GRM5: variants seen among roughly 807,000 people sequenced by gnomAD.
GRM5 encodes glutamate metabotropic receptor 5.
GRM5 carries 19 observed loss-of-function variants against 83.1 expected under a neutral mutation model. The ratio of observed to expected loss-of-function variants is 0.23; its 90% CI spans 0.16 to 0.34. GRM5 has a LOEUF of 0.34. Ranked by LOEUF, GRM5 falls within the 10% of genes least tolerant of loss-of-function variation. GRM5 has a pLI of 1.00. For missense variants in GRM5, 1,160 were observed against 1,588.3 expected, an observed-to-expected ratio of 0.73 and a Z score of 4.58; for synonymous variants, 675 against 633.6, an observed-to-expected ratio of 1.07 and a Z score of -0.98.
chr11:88,602,157 T>TA (rs1431424075), intron 5 of GRM5, among the ~76,000 whole-genome samples: 2 of 152,300 alleles, frequency 1.3e-5, no homozygotes, highest in Admixed American at 1.3e-4. Context: ...TGACTGGAAC[T>TA]AAATGAGGCT....
At chr11:89,018,509 A>G (rs1940910957) in intron 2 of GRM5, among the ~76,000 whole-genome samples, 1 of 152,178 alleles carries the variant, frequency 6.6e-6, no homozygotes, top group African/African-American at 2.4e-5. Context: ...GATTTATTCA[A>G]TATTTTTAAA....
intron 4 of GRM5, among the ~76,000 whole-genome samples, chr11:88,634,443 A>T (rs1291602013): frequency 6.6e-6 from 1 of 152,050 alleles, no homozygotes; most frequent in Non-Finnish European, 1.5e-5. Flanking sequence ...TTATATTCTT[A>T]TTCCATAATC....
chr11:88,740,273 T>A (rs1348238091), intron 3 of GRM5, among the ~76,000 whole-genome samples: 3 of 152,120 alleles, frequency 2.0e-5, no homozygotes, highest in Admixed American at 6.6e-5. Context: ...TTTTCTATAC[T>A]CACTAATTCA....
chr11:88,971,557 T>A (rs2135004930), intron 2 of GRM5, among the ~76,000 whole-genome samples: 1 of 152,258 alleles, frequency 6.6e-6, no homozygotes, highest in East Asian at 1.9e-4. Context: ...CCTGTGTTAG[T>A]CCACTTAGGA....
intron 2 of GRM5, among the ~76,000 whole-genome samples, chr11:88,972,155 G>A (rs567339619): frequency 6.6e-5 from 10 of 152,112 alleles, no homozygotes; most frequent in East Asian, 1.9e-4. Flanking sequence ...TGACATCTCC[G>A]ACCAGAAACA....
intron 2 of GRM5, among the ~76,000 whole-genome samples, chr11:88,850,983 GC>G (rs1014170223): frequency 1.3e-5 from 2 of 152,006 alleles, no homozygotes; most frequent in Non-Finnish European, 2.9e-5. Context: ...GCTATTATGG[GC>G]TCCATTCAAT....
chr11:88,692,403 T>G (rs1940800906), intron 3 of GRM5, among the ~76,000 whole-genome samples: 1 of 152,174 alleles, frequency 6.6e-6, no homozygotes, highest in Non-Finnish European at 1.5e-5. Context: ...AGTAAATGAA[T>G]GAACTAGGTT....
intron 2 of GRM5, among the ~76,000 whole-genome samples, chr11:88,859,092 ACT>A (rs879459807): frequency 3.9e-5 from 6 of 152,092 alleles, no homozygotes; most frequent in East Asian, 3.9e-4. Context: ...TTTTTAAAAC[ACT>A]CTGTTGAAAA....
intron 8 of GRM5, among the ~76,000 whole-genome samples, chr11:88,531,939 C>G (rs1378404112): frequency 2.0e-5 from 3 of 152,040 alleles, no homozygotes; most frequent in African/African-American, 7.2e-5. Flanking sequence ...CATTCCTAAG[C>G]TAGCTGTCAT....
intron 4 of GRM5, among the ~76,000 whole-genome samples, chr11:88,648,725 C>T (rs1939538405): frequency 1.3e-5 from 2 of 151,586 alleles, no homozygotes; most frequent in South Asian, 2.1e-4. Flanking sequence ...AAGAAAAGCT[C>T]ACTTGAGGAA....
chr11:88,652,211 C>A (rs1470471494), intron 4 of GRM5, among the ~76,000 whole-genome samples: 2 of 151,994 alleles, frequency 1.3e-5, no homozygotes, highest in Non-Finnish European at 2.9e-5. Flanking sequence ...AACAATGTTT[C>A]ATGTTCAATT....
In GRM5 at chr11:88,919,243, TATA is replaced by T. The variant is rs1945647508; in HGVS notation, c.662-69091_662-69089del. ...TCGAAGAACAGCAGGAGTAGCTATATATATATATATATATCGGATAAAATAGAT... is the reference window on the plus strand; with the variant it reads ...TCGAAGAACAGCAGGAGTAGCTATATTATATATATATCGGATAAAATAGAT... On this transcript the variant is annotated intron_variant, in intron 2 of 9. Coordinates refer to ENST00000305447, the MANE Select transcript of GRM5 (RefSeq NM_001143831.3). Among the ~76,000 whole-genome samples the T allele has an allele frequency of 2.7e-5, 2 of 73,138 alleles. 1 individual carries two copies. The highest frequency in any genetic ancestry group is 2.7e-4 in the Admixed American group (2 of 7,434). 48.0% of individuals were successfully genotyped at this position (73,138 alleles called of 152,430 possible).
chr11:88,772,999 G>A lies in GRM5; in HGVS notation c.911+76907C>T, dbSNP rs1412749090. Among the ~76,000 whole-genome samples the A allele has an allele frequency of 2.0e-5, 3 of 152,166 alleles. 1 individual carries two copies. In the South Asian group the frequency reaches 6.2e-4, roughly 31 times the overall value. On this transcript the variant is annotated intron_variant, in intron 3 of 9. Transcript: ENST00000305447. ...ATTGCTGGGTCAAATGATAACTCTA[G>A]TTCTAGATCCTTGAGGAATCACCAC...
At chr11:88,644,694 T>G (rs973025668) in intron 4 of GRM5, among the ~76,000 whole-genome samples, 5 of 152,118 alleles carry the variant, frequency 3.3e-5, no homozygotes, top group African/African-American at 1.2e-4. Flanking sequence ...AAGGGTAGAA[T>G]TTTTGAAGAA....
At chr11:88,807,123 G>T (rs1943511824) in intron 3 of GRM5, among the ~76,000 whole-genome samples, 1 of 152,106 alleles carries the variant, frequency 6.6e-6, no homozygotes, top group African/African-American at 2.4e-5. Context: ...TAAAGGCATT[G>T]CCTTTTTACC....
At chr11:88,535,090 C>T (rs1224884330) in intron 8 of GRM5, among the ~76,000 whole-genome samples, 2 of 152,136 alleles carry the variant, frequency 1.3e-5, no homozygotes, top group Non-Finnish European at 2.9e-5. Flanking sequence ...TCGGGTATGT[C>T]TTTATCAGCA....
At chr11:88,675,691 T>C (rs1180534212) in intron 3 of GRM5, among the ~76,000 whole-genome samples, 1 of 151,996 alleles carries the variant, frequency 6.6e-6, no homozygotes, top group Admixed American at 6.6e-5. Context: ...AGACTTAAAC[T>C]GAGTTTTCTC....
At chr11:89,002,463 C>T (rs755587429) in intron 2 of GRM5, among the ~76,000 whole-genome samples, 4 of 152,240 alleles carry the variant, frequency 2.6e-5, no homozygotes, top group South Asian at 2.1e-4. Context: ...AGATTTGTTG[C>T]CCCTGATTCC....
chr11:88,843,385 T>C (rs897935809), intron 3 of GRM5, among the ~76,000 whole-genome samples: 2 of 142,218 alleles, frequency 1.4e-5, no homozygotes, highest in African/African-American at 5.2e-5. Context: ...AACGTATCCG[T>C]CACCTCAGAC....
Sources: allele counts gnomAD v4.1 joint callset (sites outside exome capture counted in the v4.1 genomes callset), GRCh38; gene constraint gnomAD v4.1.1; transcripts MANE v1.5; gene names NCBI Gene and HGNC (gene_info 2026-07-23, HGNC 2026-07-21).